The following AIRE variants were observed in gnomAD, a reference collection of about 807,000 sequenced individuals.
AIRE encodes the protein autoimmune polyendocrinopathy candidiasis ectodermal dystrophy protein.
A neutral mutation model predicts 62.1 loss-of-function variants in AIRE; 52 were observed. That is an observed-to-expected ratio of 0.84 (90% CI 0.67 to 1.06). The LOEUF (loss-of-function observed/expected upper bound fraction) is 1.06, where lower values mean the gene tolerates loss of function less well. Ranked by LOEUF, AIRE falls within the 50% of genes least tolerant of loss-of-function variation. The pLI, the probability that AIRE is intolerant of heterozygous loss-of-function variation, is 0.00. For synonymous variants in AIRE, 342 were observed against 321.6 expected, an observed-to-expected ratio of 1.06 and a Z score of -0.68; for missense variants, 774 against 755.8, an observed-to-expected ratio of 1.02 and a Z score of -0.28.
chr21:44,292,168 C>A lies in AIRE; in HGVS notation c.996-134C>A, dbSNP rs1340986895. ...GGCTCTCCCTTCCTGTGTCTCTGCC[C>A]ATCTCTCTGCTGTGCCTCGGTTCCC... is the stretch of plus-strand genomic sequence containing the variant. On this transcript the variant is annotated intron_variant, in intron 8 of 13. Transcript: ENST00000291582. 3.9e-6 allele frequency: 3 copies of A among 761,828 alleles called. No homozygotes were observed. In the African/African-American group the frequency reaches 5.2e-5, roughly 13 times the overall value. The allele number at this position is 761,828 out of a possible 1,614,324, so 47.2% of individuals were successfully genotyped here.
chr21:44,286,964 C>T lies in AIRE; in HGVS notation c.308-14C>T, dbSNP rs1228587111. ...CCCTGAGGTTGGGACCCTGCTCCTGCCCCTGAGCTGCAGATGTGGACCTCA... is the reference window on the plus strand; with the variant it reads ...CCCTGAGGTTGGGACCCTGCTCCTGTCCCTGAGCTGCAGATGTGGACCTCA... On this transcript the variant is annotated splice_polypyrimidine_tract_variant and intron_variant, in intron 2 of 13. Coordinates refer to ENST00000291582, the MANE Select transcript of AIRE (RefSeq NM_000383.4). The surrounding 1 kb of genome is among the most constrained non-coding windows in gnomAD (Gnocchi z 6.0). The T allele has an allele frequency of 2.5e-6, 4 of 1,612,660 alleles. No homozygotes were observed. The highest frequency in any genetic ancestry group is 1.3e-5 in the African/African-American group (1 of 74,940).
At chr21:44,292,889 C>T (rs2040557218) in intron 9 of AIRE, 104 bp from the exon 10 acceptor site, 1 of 1,075,410 alleles carries the variant, frequency 9.3e-7, no homozygotes, top group South Asian at 1.3e-5. Flanking sequence ...AGGCCTCTGC[C>T]CCCACCCTGC....
intron 10 of AIRE, 90 bp from the exon 11 acceptor site, chr21:44,293,699 G>T (rs2040569463): frequency 1.2e-5 from 19 of 1,571,990 alleles, no homozygotes; most frequent in Non-Finnish European, 1.5e-5. Flanking sequence ...GCCCTGGGTG[G>T]TCCCAGGGGA....
rs143784684 is a variant in AIRE at position 44,288,421 on chromosome 21, C to T, written c.615C>T (p.Ala205=). ...GGGACGTCCCGGGAGCCCGAGGGGCCGTGGAGGGGATCCTCATCCAGCAGG... is the reference window on the plus strand; with the variant it reads ...GGGACGTCCCGGGAGCCCGAGGGGCTGTGGAGGGGATCCTCATCCAGCAGG... The part of the protein sequence containing the change: ...SSGDVPGARG[A]VEGILIQQVF... The change falls in exon 5 of 14, where the codon GCC becomes GCT. Residue 205 remains alanine (A), a synonymous_variant. Coordinates refer to ENST00000291582, the MANE Select transcript of AIRE (RefSeq NM_000383.4). 178 of 1,611,838 alleles carry T rather than the reference C, an allele frequency of 1.1e-4. No homozygotes were observed. Among genetic ancestry groups the T allele is most frequent in the Middle Eastern group, 1.6e-4 (1 of 6,078 alleles).
chr21:44,292,586 C>A (rs150627569), intron 9 of AIRE, among the ~76,000 whole-genome samples, 185 bp downstream of exon 9: 1 of 152,148 alleles, frequency 6.6e-6, no homozygotes, highest in Non-Finnish European at 1.5e-5. Flanking sequence ...CAGTGGAGTC[C>A]CCATCATGGT....
chr21:44,289,684 G>A lies in AIRE; in HGVS notation c.680G>A (p.Gly227Asp), dbSNP rs980990538. 6.2e-7 allele frequency: 1 copy of A among 1,612,602 alleles called. No individual in the cohort carries two copies. Among genetic ancestry groups the A allele is most frequent in the Admixed American group, 1.7e-5 (1 of 59,998 alleles). The change falls in exon 6 of 14, where the codon GGC becomes GAC. Residue 227 changes from glycine to aspartate, a missense_variant. By Grantham distance (94) the Gly-to-Asp change is moderately conservative. Coordinates refer to ENST00000291582, the MANE Select transcript of AIRE (RefSeq NM_000383.4). ...GGCTCCAAGAAGTGCATCCAGGTTGGCGGGGAGTTCTACACTCCCAGCAAG... is the reference window on the plus strand; with the variant it reads ...GGCTCCAAGAAGTGCATCCAGGTTGACGGGGAGTTCTACACTCCCAGCAAG... ...SGGSKKCIQV[G>D]GEFYTPSKFE...
At chr21:44,292,902 C>A in intron 9 of AIRE, 91 bp from the exon 10 acceptor site, 1 of 1,262,992 alleles carries the variant, frequency 7.9e-7, no homozygotes, top group Non-Finnish European at 1.1e-6. Context: ...CACCCTGCTG[C>A]CCTGGGTTTC....
Position 44,286,850 on chromosome 21 carries a change from C to G in AIRE, c.307+119C>G. The G allele has an allele frequency of 1.3e-6, 2 of 1,559,364 alleles. No homozygotes were observed. Among genetic ancestry groups the G allele is most frequent in the Non-Finnish European group, 1.8e-6 (2 of 1,136,982 alleles). On this transcript the variant is annotated intron_variant, in intron 2 of 13. Transcript: ENST00000291582. This position sits in a 1 kb window ranked among gnomAD's most constrained non-coding sequence, Gnocchi z 6.0. ...GAGCCCGTGGGTGATGTTCCAGGAC[C>G]GTCTTGGATCCTAAGAGGCAAAGGG...
chr21:44,293,345 C>T (rs1010256072), intron 10 of AIRE, among the ~76,000 whole-genome samples, 170 bp downstream of exon 10: 2 of 151,930 alleles, frequency 1.3e-5, no homozygotes, highest in African/African-American at 2.4e-5. Context: ...GAAGGGGACG[C>T]TCCTAGACCT....
At chr21:44,290,113 C>T (rs1386565446) in intron 7 of AIRE, 45 bp downstream of exon 7, 9 of 1,588,350 alleles carry the variant, frequency 5.7e-6, no homozygotes, top group Non-Finnish European at 7.7e-6. Context: ...GCCCTTGCTC[C>T]CCTCGGGTGG....
At chr21:44,288,293 C>T in intron 4 of AIRE, 52 bp from the exon 5 acceptor site, 1 of 1,390,338 alleles carries the variant, frequency 7.2e-7, no homozygotes, top group Non-Finnish European at 1.0e-6. Flanking sequence ...AGAGTATGTG[C>T]TTGGGAACAG....
chr21:44,286,417 C>A lies in AIRE; in HGVS notation c.133-140C>A. 1.0e-6 allele frequency: 1 copy of A among 991,976 alleles called. No individual in the cohort carries two copies. Among genetic ancestry groups the A allele is most frequent in the Admixed American group, 2.6e-5 (1 of 37,868 alleles). The allele number at this position is 991,976 out of a possible 1,614,324, so 61.4% of individuals were successfully genotyped here. A position where few individuals can be genotyped will look rare whatever the true frequency, so the allele number is the denominator to read the frequency against. ...CCTACACCACCACCTGACTCCACCA[C>A]AAGCCGAGGAGATGGGCGTGGAGCT... On this transcript the variant is annotated intron_variant, in intron 1 of 13. Transcript: ENST00000291582. The surrounding 1 kb of genome is among the most constrained non-coding windows in gnomAD (Gnocchi z 6.0).
At position 44,287,574 on chromosome 21, in the gene AIRE, G is replaced by C; in HGVS notation, c.521G>C (p.Arg174Pro). 1.3e-6 allele frequency: 2 copies of C among 1,557,620 alleles called. No individual in the cohort carries two copies. Among genetic ancestry groups the C allele is most frequent in the Non-Finnish European group, 1.7e-6 (2 of 1,150,732 alleles). Residue 174 changes from arginine to proline, a missense_variant, in exon 4 of 14, where the codon CGC (arginine) becomes CCC (proline). By Grantham distance (103) the Arg-to-Pro change is moderately radical. Coordinates refer to ENST00000291582, the MANE Select transcript of AIRE (RefSeq NM_000383.4). This position sits in a 1 kb window ranked among gnomAD's most constrained non-coding sequence, Gnocchi z 4.3. ...KKPESSAEQQ[R>P]LPLGNGIQTM... Reference sequence around the variant, plus strand: ...CCGGAGAGCAGCGCAGAGCAGCAGCGCCTTCCACTCGGGAACGGTGAGCGG... The same window carrying C: ...CCGGAGAGCAGCGCAGAGCAGCAGCCCCTTCCACTCGGGAACGGTGAGCGG...
rs753337231 is a variant in AIRE at position 44,296,482 on chromosome 21, C to T, written c.1566+37C>T. Reference sequence around the variant, plus strand: ...CCTGGCCTCCTGGTGCTCCTCCACTCCCCCTCCCCTGCCTCAGCCGGCACC... The same window carrying T: ...CCTGGCCTCCTGGTGCTCCTCCACTTCCCCTCCCCTGCCTCAGCCGGCACC... On this transcript the variant is annotated intron_variant, in intron 13 of 13. Coordinates refer to ENST00000291582, the MANE Select transcript of AIRE (RefSeq NM_000383.4). 3 of 1,581,660 alleles carry T rather than the reference C, an allele frequency of 1.9e-6. No individual in the cohort carries two copies. In the South Asian group the frequency reaches 3.3e-5, roughly 17 times the overall value.
chr21:44,289,978 T>C lies in AIRE; in HGVS notation c.799-10T>C, dbSNP rs762649659. The C allele has an allele frequency of 6.2e-7, 1 of 1,610,596 alleles. No homozygotes were observed. The highest frequency in any genetic ancestry group is 1.1e-5 in the South Asian group (1 of 90,720). ...GCTGCCCCCATTGCTGACGCCCCTC[T>C]TCCTTGCAGGGTGGAGGTGAGGCTA... On this transcript the variant is annotated splice_polypyrimidine_tract_variant and intron_variant, in intron 6 of 13. Coordinates refer to ENST00000291582, the MANE Select transcript of AIRE (RefSeq NM_000383.4).
intron 4 of AIRE, 77 bp from the exon 5 acceptor site, chr21:44,288,268 G>C: frequency 8.2e-7 from 1 of 1,226,678 alleles, no homozygotes; most frequent in South Asian, 1.2e-5. Flanking sequence ...GCCCAGTGCT[G>C]CCTGCTTCTG....
intron 7 of AIRE, 94 bp downstream of exon 7, chr21:44,290,162 G>T: frequency 6.5e-7 from 1 of 1,541,454 alleles, no homozygotes; most frequent in South Asian, 1.2e-5. Context: ...ACTCAGGGAT[G>T]AGCACCGGGG....
rs559403652 is a variant in AIRE at position 44,289,497 on chromosome 21, T to C, written c.653-160T>C. The C allele has an allele frequency of 1.6e-5, 13 of 825,298 alleles. No individual in the cohort carries two copies. The South Asian group carries it at 2.8e-4, about 18-fold the overall frequency. The allele number at this position is 825,298 out of a possible 1,614,324, so 51.1% of individuals were successfully genotyped here. On this transcript the variant is annotated intron_variant, in intron 5 of 13. Coordinates refer to ENST00000291582, the MANE Select transcript of AIRE (RefSeq NM_000383.4). ...ACACCCTGGTGTAGATCCAGGACAA[T>C]CCCCGGGCCCCAGACTCGACTGGGG...
intron 8 of AIRE, 43 bp from the exon 9 acceptor site, chr21:44,292,259 C>G: frequency 1.3e-6 from 2 of 1,498,292 alleles, no homozygotes; most frequent in Non-Finnish European, 1.8e-6. Flanking sequence ...CTGTCACCCG[C>G]TGTCTTGTTC....
Sources: allele counts gnomAD v4.1 joint callset (sites outside exome capture counted in the v4.1 genomes callset), GRCh38; gene constraint gnomAD v4.1.1; non-coding constraint Gnocchi (gnomAD v3.1); transcripts MANE v1.5; gene names NCBI Gene and HGNC (gene_info 2026-07-23, HGNC 2026-07-21).